Variants in CUX2 observed in about 807,000 individuals in gnomAD.
CUX2 encodes cut like homeobox 2.
A neutral mutation model predicts 144.8 loss-of-function variants in CUX2; 40 were observed. That is an observed-to-expected ratio of 0.28 (90% CI 0.21 to 0.36). The LOEUF (loss-of-function observed/expected upper bound fraction) is 0.36, where lower values mean the gene tolerates loss of function less well. Ranked by LOEUF, CUX2 falls within the 10% of genes least tolerant of loss-of-function variation. The pLI is 1.00. For synonymous variants in CUX2, 827 were observed against 875.6 expected, an observed-to-expected ratio of 0.94 and a Z score of 0.98; for missense variants, 1,615 against 1,994.0, an observed-to-expected ratio of 0.81 and a Z score of 3.62.
rs985335083 is a variant in CUX2, at chr12:111,295,192, G to A, written c.561-141G>A. On this transcript the variant is annotated intron_variant, in intron 6 of 21. Coordinates refer to ENST00000261726, the MANE Select transcript of CUX2 (RefSeq NM_015267.4). The surrounding 1 kb of genome is among the most constrained non-coding windows in gnomAD (Gnocchi z 5.0). ...CAGGACAGCCAGGTGCCTGAATGTC[G>A]TGTCTAAGGACTTGCAGAAAGACAG... is the stretch of plus-strand genomic sequence containing the variant. 3.7e-5 allele frequency: 23 copies of A among 618,368 alleles called. No individual in the cohort carries two copies. The highest frequency in any genetic ancestry group is 3.3e-4 in the African/African-American group (17 of 51,746). 38.3% of individuals were successfully genotyped at this position (618,368 alleles called of 1,614,324 possible).
chr12:111,268,366 A>G (rs1176846906), intron 4 of CUX2, among the ~76,000 whole-genome samples: 1 of 152,230 alleles, frequency 6.6e-6, no homozygotes. Context: ...CTGGGTCTGC[A>G]GGTGCAGCCA....
chr12:111,338,499 C>T (rs1389022581), intron 20 of CUX2, 25 bp downstream of exon 20: 1 of 1,586,142 alleles, frequency 6.3e-7, no homozygotes, highest in Non-Finnish European at 8.6e-7. Flanking sequence ...GAGGATGGGC[C>T]CCAGCACTGG....
intron 4 of CUX2, among the ~76,000 whole-genome samples, chr12:111,265,617 A>G (rs1437965618): frequency 6.6e-6 from 1 of 152,118 alleles, no homozygotes; most frequent in African/African-American, 2.4e-5. Flanking sequence ...TGCTAGGATT[A>G]CAGATGTGAG....
At position 111,037,410 on chromosome 12, in the gene CUX2, C is replaced by T. The variant is rs2135998737; in HGVS notation, c.63+3170C>T. ...AACGTATATTTTTCAAAAATGGAAG[C>T]GTTCCAGTTATTATTCCTTCCAGCG... On this transcript the variant is annotated intron_variant, in intron 1 of 21. Coordinates refer to ENST00000261726, the MANE Select transcript of CUX2 (RefSeq NM_015267.4). The surrounding 1 kb of genome is among the most constrained non-coding windows in gnomAD (Gnocchi z 5.4). Among the ~76,000 whole-genome samples, 1 of 152,350 alleles carries T rather than the reference C, an allele frequency of 6.6e-6. No individual in the cohort carries two copies. The highest frequency in any genetic ancestry group is 6.5e-5 in the Admixed American group (1 of 15,304).
At chr12:111,114,692 C>T (rs1189677848) in intron 1 of CUX2, among the ~76,000 whole-genome samples, 5 of 152,184 alleles carry the variant, frequency 3.3e-5, no homozygotes, top group Non-Finnish European at 7.3e-5. Flanking sequence ...AAGCTGTGCC[C>T]TCTGTCTGGA....
intron 1 of CUX2, among the ~76,000 whole-genome samples, chr12:111,193,638 AC>A (rs1363835231): frequency 6.6e-6 from 1 of 152,186 alleles, no homozygotes; most frequent in Non-Finnish European, 1.5e-5. Context: ...TCTGCTGTGA[AC>A]AGGCCCCTTG....
chr12:111,267,195 C>CAAAAA (rs11290695), intron 4 of CUX2, among the ~76,000 whole-genome samples: 16 of 66,224 alleles, frequency 2.4e-4, no homozygotes, highest in East Asian at 7.4e-4. Flanking sequence ...AAGACCCTGT[C>CAAAAA]AAAAAAAAAA....
At chr12:111,242,611 C>T (rs1020483937) in intron 3 of CUX2, among the ~76,000 whole-genome samples, 2 of 152,114 alleles carry the variant, frequency 1.3e-5, no homozygotes, top group Non-Finnish European at 1.5e-5. Flanking sequence ...GTCAGGAATT[C>T]AAGACCAGCC....
At chr12:111,266,226 C>T (rs1465020393) in intron 4 of CUX2, among the ~76,000 whole-genome samples, 1 of 152,074 alleles carries the variant, frequency 6.6e-6, no homozygotes, top group Non-Finnish European at 1.5e-5. Context: ...CCTGTAATCC[C>T]AGCACTTTGG....
At chr12:111,240,494 C>T (rs746462505) in intron 3 of CUX2, among the ~76,000 whole-genome samples, 2 of 152,212 alleles carry the variant, frequency 1.3e-5, no homozygotes, top group African/African-American at 4.8e-5. Context: ...TACAAACTCC[C>T]GAGTTAATGA....
intron 1 of CUX2, among the ~76,000 whole-genome samples, chr12:111,055,289 G>A (rs552078406): frequency 1.1e-4 from 16 of 152,318 alleles, no homozygotes; most frequent in African/African-American, 3.8e-4. Context: ...AGTCCCAGAG[G>A]CCACCGTCAG....
chr12:111,132,324 C>T (rs1221873945), intron 1 of CUX2, among the ~76,000 whole-genome samples: 1 of 152,142 alleles, frequency 6.6e-6, no homozygotes, highest in Admixed American at 6.5e-5. Flanking sequence ...GGACCCAGCC[C>T]ATGAAATCAC....
intron 4 of CUX2, among the ~76,000 whole-genome samples, chr12:111,285,455 C>A (rs1355944684): frequency 6.6e-6 from 1 of 152,170 alleles, no homozygotes; most frequent in Non-Finnish European, 1.5e-5. Flanking sequence ...GAAGGTCTAA[C>A]GGCCGAGCCA....
At chr12:111,203,938 G>A (rs1182282188) in intron 1 of CUX2, among the ~76,000 whole-genome samples, 5 of 152,224 alleles carry the variant, frequency 3.3e-5, no homozygotes, top group East Asian at 1.9e-4. Context: ...TAAGGCAGGC[G>A]GAGCAGCTGC....
rs1159929723 is a variant in CUX2 at position 111,178,017 on chromosome 12, T to C, written c.64-36183T>C. The stretch of plus-strand genomic sequence containing the variant: ...CTTATTGTTGTTTGCCAATAAGAAA[T>C]ACACATCCAAAGAATGAGAGTAATT... On this transcript the variant is annotated intron_variant, in intron 1 of 21. Coordinates refer to ENST00000261726, the MANE Select transcript of CUX2 (RefSeq NM_015267.4). The surrounding 1 kb of genome is among the most constrained non-coding windows in gnomAD (Gnocchi z 5.7). Among the ~76,000 whole-genome samples the C allele has an allele frequency of 6.6e-6, 1 of 152,236 alleles. No homozygotes were observed. Among genetic ancestry groups the C allele is most frequent in the African/African-American group, 2.4e-5 (1 of 41,456 alleles).
intron 3 of CUX2, among the ~76,000 whole-genome samples, chr12:111,254,598 G>C (rs139493842): frequency 6.6e-6 from 1 of 152,308 alleles, no homozygotes; most frequent in African/African-American, 2.4e-5. Context: ...ACACCTGAAT[G>C]CTCAAAACGA....
At chr12:111,221,526 A>G (rs1023066914) in intron 3 of CUX2, among the ~76,000 whole-genome samples, 1 of 152,160 alleles carries the variant, frequency 6.6e-6, no homozygotes, top group Non-Finnish European at 1.5e-5. Context: ...CCCTGGAGCA[A>G]ATACCATCCC....
At chr12:111,105,368 A>G (rs907929017) in intron 1 of CUX2, among the ~76,000 whole-genome samples, 6 of 152,194 alleles carry the variant, frequency 3.9e-5, no homozygotes, top group Non-Finnish European at 7.4e-5. Flanking sequence ...GTTGATAGGC[A>G]ATGGCTATTG....
intron 3 of CUX2, among the ~76,000 whole-genome samples, chr12:111,219,379 T>A (rs536712748): frequency 2.2e-4 from 33 of 149,760 alleles, no homozygotes; most frequent in African/African-American, 6.9e-4. Flanking sequence ...CATGACTTTG[T>A]GTTACAAAAA....
Sources: allele counts gnomAD v4.1 joint callset (sites outside exome capture counted in the v4.1 genomes callset), GRCh38; gene constraint gnomAD v4.1.1; non-coding constraint Gnocchi (gnomAD v3.1); transcripts MANE v1.5; gene names NCBI Gene and HGNC (gene_info 2026-07-23, HGNC 2026-07-21).